Variants in IGF2R observed in about 807,000 individuals in gnomAD.
IGF2R encodes cation-independent mannose-6-phosphate receptor.
In IGF2R, 91 loss-of-function variants were observed where a neutral mutation model predicts 270.6. The observed-to-expected ratio is 0.34, with a 90% CI of 0.28 to 0.40. The LOEUF is 0.40. Among genes scored for constraint, IGF2R ranks in the 10% least tolerant of loss-of-function variants. IGF2R has a pLI of 1.00. For synonymous variants in IGF2R, 1,316 were observed against 1,258.9 expected, an observed-to-expected ratio of 1.05 and a Z score of -0.96; for missense variants, 2,805 against 3,188.3, an observed-to-expected ratio of 0.88 and a Z score of 2.90.
chr6:160,029,025 G>A lies in IGF2R; in HGVS notation c.777-525G>A, dbSNP rs570610825. ...TTTGAGATGGGTCTTGCTGTGTCAC[G>A]TAGGCTGGAGTGCAGTGGTGTGATT... On this transcript the variant is annotated intron_variant, in intron 6 of 47. Transcript: ENST00000356956. Among the ~76,000 whole-genome samples the A allele has an allele frequency of 8.5e-5, 13 of 152,082 alleles. No homozygotes were observed. The East Asian group carries it at 1.9e-3, about 23-fold the overall frequency.
At chr6:160,047,951 C>G in intron 17 of IGF2R, 44 bp downstream of exon 17, 1 of 1,249,714 alleles carries the variant, frequency 8.0e-7, no homozygotes, top group Non-Finnish European at 1.2e-6. Context: ...GGTACAGATG[C>G]TGAGGTTGCA....
intron 44 of IGF2R, chr6:160,093,098 G>A (rs1212945721): frequency 6.5e-6 from 1 of 154,270 alleles, no homozygotes; most frequent in African/African-American, 2.4e-5. Flanking sequence ...GCAGAGTCCA[G>A]GAGGGAATTG....
chr6:160,009,579 G>C (rs1053851763), intron 3 of IGF2R, among the ~76,000 whole-genome samples: 3 of 152,082 alleles, frequency 2.0e-5, no homozygotes, highest in African/African-American at 7.2e-5. Flanking sequence ...GTGGGTATGG[G>C]GTTCTCAAGT....
At chr6:160,097,812 A>G (rs933298166) in intron 45 of IGF2R, among the ~76,000 whole-genome samples, 1 of 151,724 alleles carries the variant, frequency 6.6e-6, no homozygotes, top group Non-Finnish European at 1.5e-5. Context: ...TTAAATCAGC[A>G]CTCCCCCTGC....
At chr6:160,068,455 G>A in intron 30 of IGF2R, 70 bp downstream of exon 30, 1 of 1,586,198 alleles carries the variant, frequency 6.3e-7, no homozygotes, top group Non-Finnish European at 8.6e-7. Context: ...GGTGAGAGGG[G>A]GCCTCCTCGT....
In IGF2R at chr6:160,106,420, C is replaced by T. The variant is rs1452824963; in HGVS notation, c.*1336C>T. 6.6e-6 allele frequency: 1 copy of T among 152,560 alleles called. No homozygotes were observed. Among genetic ancestry groups the T allele is most frequent in the Non-Finnish European group, 1.5e-5 (1 of 68,034 alleles). 9.5% of individuals were successfully genotyped at this position (152,560 alleles called of 1,614,324 possible). ...GCCCTGCAGCATCCCTCAGCCTGTACCGGTTTGGCTGGCTTGTTTGATTTC... is the reference window on the plus strand; with the variant it reads ...GCCCTGCAGCATCCCTCAGCCTGTATCGGTTTGGCTGGCTTGTTTGATTTC... On this transcript the variant is annotated 3_prime_UTR_variant, in exon 48 of 48. Transcript: ENST00000356956.
intron 46 of IGF2R, 62 bp from the exon 47 acceptor site, chr6:160,103,684 G>A: frequency 8.3e-7 from 1 of 1,204,318 alleles, no homozygotes; most frequent in Non-Finnish European, 1.2e-6. Context: ...GCTGGCGGGG[G>A]TGGGGCTCCT....
rs8191952 is a variant in IGF2R at position 160,104,101 on chromosome 6, C to T, written c.7065+286C>T. Reference sequence around the variant, plus strand: ...CTTTAAAAAAAAAACAAAACACACACACACACAGTAGTGAAGATAGTTGTG... The same window carrying T: ...CTTTAAAAAAAAAACAAAACACACATACACACAGTAGTGAAGATAGTTGTG... On this transcript the variant is annotated intron_variant, in intron 47 of 47. Transcript: ENST00000356956. 6.3e-3 allele frequency among the ~76,000 whole-genome samples: 957 copies of T among 151,962 alleles called. 8 individuals are homozygous for T. The highest frequency in any genetic ancestry group is 0.01 in the Non-Finnish European group (699 of 67,956).
chr6:159,969,354 G>A lies in IGF2R; in HGVS notation c.108G>A (p.Gly36=). Residue 36 remains glycine, a synonymous_variant, in exon 1 of 48, where the codon GGG becomes GGA. Coordinates refer to ENST00000356956, the MANE Select transcript of IGF2R (RefSeq NM_000876.4). The part of the protein sequence containing the change: ...LQLLLLVAAP[G]STQAQAAPFP... ...TGCTGCTGCTCGTCGCTGCCCCGGGGTCCACGCAGGCCCAGGCCGCCCCGT... is the reference window on the plus strand; with the variant it reads ...TGCTGCTGCTCGTCGCTGCCCCGGGATCCACGCAGGCCCAGGCCGCCCCGT... 3.8e-6 allele frequency: 5 copies of A among 1,314,504 alleles called. No individual in the cohort carries two copies. The highest frequency in any genetic ancestry group is 4.9e-6 in the Non-Finnish European group (5 of 1,028,842). The allele number at this position is 1,314,504 out of a possible 1,614,324, so 81.4% of individuals were successfully genotyped here.
chr6:160,072,811 A>T lies in IGF2R; in HGVS notation c.4617A>T (p.Thr1539=). 1 of 1,614,232 alleles carries T rather than the reference A, an allele frequency of 6.2e-7. No individual in the cohort carries two copies. The highest frequency in any genetic ancestry group is 8.5e-7 in the Non-Finnish European group (1 of 1,180,034). The change falls in exon 33 of 48, where the codon ACA becomes ACT. Residue 1539 remains threonine, a synonymous_variant. Transcript: ENST00000356956. ...LSSLSGRAGF[T]AAYSEKGLVY... ...CCTTAAGTGGCAGGGCGGGATTCAC[A>T]GCTGCTTACAGCGAGAAGGGGTTGG...
intron 2 of IGF2R, among the ~76,000 whole-genome samples, chr6:159,997,476 G>A (rs1443841510): frequency 6.6e-6 from 1 of 152,150 alleles, no homozygotes; most frequent in Non-Finnish European, 1.5e-5. Flanking sequence ...CCCTCAGGAA[G>A]TCCCCAAATT....
At chr6:160,046,715 G>A in intron 15 of IGF2R, 70 bp downstream of exon 15, 3 of 1,496,020 alleles carry the variant, frequency 2.0e-6, no homozygotes, top group African/African-American at 1.4e-5. Context: ...TCAGGAATAG[G>A]TGTGTTCTCA....
intron 4 of IGF2R, among the ~76,000 whole-genome samples, chr6:160,012,819 G>T (rs1784359878): frequency 6.8e-6 from 1 of 146,916 alleles, no homozygotes; most frequent in Admixed American, 7.2e-5. Flanking sequence ...TAGAGACGGG[G>T]TTTCTCTATG....
chr6:160,048,574 G>A, intron 18 of IGF2R, 31 bp downstream of exon 18: 2 of 1,607,076 alleles, frequency 1.2e-6, no homozygotes, highest in Non-Finnish European at 1.7e-6. Context: ...TGTCTCCTTT[G>A]CCCTCCTAAT....
intron 4 of IGF2R, among the ~76,000 whole-genome samples, chr6:160,012,813 G>T (rs1277146476): frequency 6.8e-6 from 1 of 146,088 alleles, no homozygotes; most frequent in Non-Finnish European, 1.5e-5. Flanking sequence ...GTTTTGTAGA[G>T]ACGGGGTTTC....
chr6:160,029,270 G>A (rs1002444598), intron 6 of IGF2R, among the ~76,000 whole-genome samples: 3 of 152,106 alleles, frequency 2.0e-5, no homozygotes, highest in African/African-American at 2.4e-5. Flanking sequence ...GTGAGCCATC[G>A]CACCCAGCCA....
At position 160,050,025 on chromosome 6, in the gene IGF2R, A is replaced by G. The variant is rs544591489; in HGVS notation, c.2515-448A>G. On this transcript the variant is annotated intron_variant, in intron 18 of 47. Coordinates refer to ENST00000356956, the MANE Select transcript of IGF2R (RefSeq NM_000876.4). This position sits in a 1 kb window ranked among gnomAD's most constrained non-coding sequence, Gnocchi z 4.0. ...TGGTAGAAGAGTGCAGGGTGAAGTC[A>G]TCGGATGGGGAGATGAAGAAACTGC... Among the ~76,000 whole-genome samples, 1 of 152,220 alleles carries G rather than the reference A, an allele frequency of 6.6e-6. No individual in the cohort carries two copies. Among genetic ancestry groups the G allele is most frequent in the Non-Finnish European group, 1.5e-5 (1 of 68,044 alleles).
At chr6:160,101,599 C>CT (rs1433443995) in intron 45 of IGF2R, among the ~76,000 whole-genome samples, 1 of 152,266 alleles carries the variant, frequency 6.6e-6, no homozygotes, top group African/African-American at 2.4e-5. Context: ...TTCAGCAGCA[C>CT]AAGATGCGCC....
chr6:160,033,123 C>A lies in IGF2R; in HGVS notation c.1211+16C>A. The A allele has an allele frequency of 2.5e-6, 4 of 1,599,264 alleles. No individual in the cohort carries two copies. Among genetic ancestry groups the A allele is most frequent in the Non-Finnish European group, 2.6e-6 (3 of 1,168,594 alleles). On this transcript the variant is annotated intron_variant, in intron 9 of 47. Coordinates refer to ENST00000356956, the MANE Select transcript of IGF2R (RefSeq NM_000876.4). ...AGACCCTCCGGTACGTCAACAACCT[C>A]TGTGCGATTTTCCTTTTTCTTTGTA...
Sources: allele counts gnomAD v4.1 joint callset (sites outside exome capture counted in the v4.1 genomes callset), GRCh38; gene constraint gnomAD v4.1.1; non-coding constraint Gnocchi (gnomAD v3.1); transcripts MANE v1.5; gene names NCBI Gene and HGNC (gene_info 2026-07-23, HGNC 2026-07-21).